Variants in FDXACB1 observed in about 807,000 individuals in gnomAD.
FDXACB1 encodes the protein ferredoxin-fold anticodon-binding domain-containing protein 1.
FDXACB1 carries 41 observed loss-of-function variants against 51.7 expected under a neutral mutation model. That is an observed-to-expected ratio of 0.79 (90% CI 0.62 to 1.03). FDXACB1 has a LOEUF of 1.03. Ranked by LOEUF, FDXACB1 falls within the 50% of genes least tolerant of loss-of-function variation. The pLI is 0.00. For missense variants in FDXACB1, 697 were observed against 746.4 expected, an observed-to-expected ratio of 0.93 and a Z score of 0.77; for synonymous variants, 273 against 278.6, an observed-to-expected ratio of 0.98 and a Z score of 0.20.
At position 111,874,594 on chromosome 11, in the gene FDXACB1, CA is replaced by C. The variant is rs10670929; in HGVS notation, c.*327del. 4.6e-3 allele frequency: 874 copies of C among 191,168 alleles called. No individual in the cohort carries two copies. The highest frequency in any genetic ancestry group is 0.013 in the South Asian group (122 of 9,732). 11.8% of individuals were successfully genotyped at this position (191,168 alleles called of 1,614,324 possible). ...TGAAACCTCGTCTCTACTAAAAATA[CA>C]AAAAAAAAAATTAGCCAGGCGTGGT... On this transcript the variant is annotated 3_prime_UTR_variant, in exon 5 of 5. Transcript: ENST00000260257.
Position 111,876,512 on chromosome 11 carries a change from CTGGAAAGGAAAACCACTGGTTA to C in FDXACB1, c.639_660del (p.Trp216LysfsTer4), listed in dbSNP as rs781954493. The C allele has an allele frequency of 1.2e-6, 2 of 1,613,756 alleles. No individual in the cohort carries two copies. Among genetic ancestry groups the C allele is most frequent in the Non-Finnish European group, 8.5e-7 (1 of 1,179,820 alleles). On this transcript the variant is annotated frameshift_variant, in exon 4 of 5. Coordinates refer to ENST00000260257, the MANE Select transcript of FDXACB1 (RefSeq NM_138378.3). LOFTEE classifies it high-confidence loss of function. ...AACTTTCCTACAAGTGCTTCTGGTT[CTGGAAAGGAAAACCACTGGTTA>C]CCCAGTTTGATCCTGAAGATTCTGG...
chr11:111,878,426 G>A (rs1375502149), intron 2 of FDXACB1, 130 bp downstream of exon 2: 7 of 986,904 alleles, frequency 7.1e-6, no homozygotes, highest in Non-Finnish European at 8.6e-6. Flanking sequence ...TAAACTTGGG[G>A]TTCCTTTGGG....
In FDXACB1 at chr11:111,875,595, T is replaced by C. The variant is rs782504201; in HGVS notation, c.1202A>G (p.Gln401Arg). The C allele has an allele frequency of 6.2e-7, 1 of 1,612,538 alleles. No homozygotes were observed. Among genetic ancestry groups the C allele is most frequent in the Non-Finnish European group, 8.5e-7 (1 of 1,179,692 alleles). Residue 401 changes from glutamine to arginine, a missense_variant, in exon 5 of 5, where the codon CAA becomes CGA. Transcript: ENST00000260257. ...TTGAAGACAGCCATCCTTCAGATTT[T>C]GATTAACCCCAAGGATAAATAAAGT... ...HETLFILGVN[Q>R]NLKDGCLQSL...
chr11:111,878,865 A>C, intron 1 of FDXACB1, 96 bp downstream of exon 1: 1 of 1,527,386 alleles, frequency 6.5e-7, no homozygotes, highest in Non-Finnish European at 8.8e-7. Context: ...GATCAAGAAC[A>C]ATCTCCACGT....
rs1165242428 is a variant in FDXACB1, at chr11:111,874,122, TATAATA to T, written c.*794_*799del. The T allele has an allele frequency of 1.3e-5, 2 of 152,162 alleles. No individual in the cohort carries two copies. The highest frequency in any genetic ancestry group is 1.9e-4 in the East Asian group (1 of 5,200). 9.4% of individuals were successfully genotyped at this position (152,162 alleles called of 1,614,324 possible). A position where few individuals can be genotyped will look rare whatever the true frequency, so the allele number is the denominator to read the frequency against. ...ACCACAGAATTAAAATGGTGATGAT[TATAATA>T]ATAATACCAAAATTAATGTGGAATA... On this transcript the variant is annotated 3_prime_UTR_variant, in exon 5 of 5. Transcript: ENST00000260257.
chr11:111,878,830 G>A, intron 1 of FDXACB1, 118 bp from the exon 2 acceptor site: 2 of 1,505,382 alleles, frequency 1.3e-6, no homozygotes, highest in South Asian at 1.3e-5. Flanking sequence ...GCACAAAGCC[G>A]GCTTTATGTG....
chr11:111,874,806 A>G lies in FDXACB1; in HGVS notation c.*116T>C, dbSNP rs1251090225. 3.4e-6 allele frequency: 3 copies of G among 888,110 alleles called. No homozygotes were observed. Among genetic ancestry groups the G allele is most frequent in the Non-Finnish European group, 5.0e-6 (3 of 595,612 alleles). The allele number at this position is 888,110 out of a possible 1,614,324, so 55.0% of individuals were successfully genotyped here. A position where few individuals can be genotyped will look rare whatever the true frequency, so the allele number is the denominator to read the frequency against. On this transcript the variant is annotated 3_prime_UTR_variant, in exon 5 of 5. Transcript: ENST00000260257. Reference sequence around the variant, plus strand: ...ATCAACGAACAGTAGCTATGGTCACAAAGTAAAAGATTTTACAAAAACAAA... The same window carrying G: ...ATCAACGAACAGTAGCTATGGTCACGAAGTAAAAGATTTTACAAAAACAAA...
chr11:111,875,723 G>A lies in FDXACB1; in HGVS notation c.1074C>T (p.Val358=), dbSNP rs1964799141. The stretch of plus-strand genomic sequence containing the variant: ...CTGAGAGGAAGTCTGGTACTTCGAT[G>A]ACATCCTGAACATGCACTAGGAGAG... ...RPSLLVHVQD[V]IEVPDFLSGS... The change falls in exon 5 of 5, where the codon GTC becomes GTT. Residue 358 remains valine, a synonymous_variant. Coordinates refer to ENST00000260257, the MANE Select transcript of FDXACB1 (RefSeq NM_138378.3). The A allele has an allele frequency of 1.7e-5, 27 of 1,613,606 alleles. No individual in the cohort carries two copies. The highest frequency in any genetic ancestry group is 2.3e-5 in the Non-Finnish European group (27 of 1,179,890).
Position 111,875,548 on chromosome 11 carries a change from C to A in FDXACB1, c.1249G>T (p.Gly417Cys), listed in dbSNP as rs1441037655. Residue 417 changes from glycine (G) to cysteine (C), a missense_variant, in exon 5 of 5, where the codon GGC becomes TGC. By Grantham distance (159) the Gly-to-Cys change is radical. This residue lies in a region of FDXACB1 where 538 missense variants were observed against 592.2 expected (regional missense o/e 0.91). Coordinates refer to ENST00000260257, the MANE Select transcript of FDXACB1 (RefSeq NM_138378.3). ...TGGGTCAGCAGGCTATCTAGAATGCCCTTCAGATGATCCAGCAGTGATTGA... is the reference window on the plus strand; with the variant it reads ...TGGGTCAGCAGGCTATCTAGAATGCACTTCAGATGATCCAGCAGTGATTGA... ...CLQSLLDHLKGILDSLLTQTL... is the reference protein window; with the variant it reads ...CLQSLLDHLKCILDSLLTQTL... The A allele has an allele frequency of 6.2e-7, 1 of 1,610,418 alleles. No homozygotes were observed. The highest frequency in any genetic ancestry group is 8.5e-7 in the Non-Finnish European group (1 of 1,179,336).
At position 111,874,731 on chromosome 11, in the gene FDXACB1, C is replaced by G. The variant is rs1484890720; in HGVS notation, c.*191G>C. The G allele has an allele frequency of 3.4e-6, 2 of 587,216 alleles. No homozygotes were observed. Among genetic ancestry groups the G allele is most frequent in the Non-Finnish European group, 5.9e-6 (2 of 339,750 alleles). 36.4% of individuals were successfully genotyped at this position (587,216 alleles called of 1,614,324 possible). On this transcript the variant is annotated 3_prime_UTR_variant, in exon 5 of 5. Coordinates refer to ENST00000260257, the MANE Select transcript of FDXACB1 (RefSeq NM_138378.3). ...TATCATGCCACTGCCACTGCACTCCCGCCTGGGCGGCAGAGCAAGACTCCG... is the reference window on the plus strand; with the variant it reads ...TATCATGCCACTGCCACTGCACTCCGGCCTGGGCGGCAGAGCAAGACTCCG...
Position 111,876,122 on chromosome 11 carries a change from A to G in FDXACB1, c.693-18T>C. 6.4e-7 allele frequency: 1 copy of G among 1,553,176 alleles called. No individual in the cohort carries two copies. Among genetic ancestry groups the G allele is most frequent in the African/African-American group, 1.4e-5 (1 of 72,420 alleles). ...GGAAACCCCTGTTTAAACACACACA[A>G]AAATAACTTTTCTAACTTAAGATAG... is the stretch of plus-strand genomic sequence containing the variant. On this transcript the variant is annotated intron_variant, in intron 4 of 4. Coordinates refer to ENST00000260257, the MANE Select transcript of FDXACB1 (RefSeq NM_138378.3).
At position 111,875,384 on chromosome 11, in the gene FDXACB1, G is replaced by A; in HGVS notation, c.1413C>T (p.Ile471=). The A allele has an allele frequency of 6.2e-7, 1 of 1,613,644 alleles. No homozygotes were observed. The highest frequency in any genetic ancestry group is 8.5e-7 in the Non-Finnish European group (1 of 1,179,846). ...TATGTATAACACTAGTGGCAGATGT[G>A]ATAACAGACCCAATAATTAGATCCT... ...CTEDLIIGSV[I]TSATSVIHKD... Residue 471 remains isoleucine (I), a synonymous_variant, in exon 5 of 5, where the codon ATC becomes ATT. Transcript: ENST00000260257.
rs922684237 is a variant in FDXACB1, at chr11:111,876,825, G to C, written c.516C>G (p.Tyr172Ter). The C allele has an allele frequency of 8.1e-6, 13 of 1,613,916 alleles. No homozygotes were observed. The highest frequency in any genetic ancestry group is 1.0e-5 in the Non-Finnish European group (12 of 1,179,878). Residue 172 changes from tyrosine (Y) to a stop codon, truncating the protein, a stop_gained, in exon 3 of 5, where the codon TAC becomes TAG. Transcript: ENST00000260257. LOFTEE classifies it high-confidence loss of function. ...YPFSCKAVAG[Y>*]KCTGYRSQDK... is the part of the protein sequence containing the mutation. ...TTACCTACCTATATCCAGTGCACTT[G>C]TACCCTGCCACAGCCTTACAGCTGA... is the stretch of plus-strand genomic sequence containing the variant.
chr11:111,878,400 T>C (rs1378181805), intron 2 of FDXACB1, among the ~76,000 whole-genome samples, 156 bp downstream of exon 2: 1 of 152,220 alleles, frequency 6.6e-6, no homozygotes, highest in Non-Finnish European at 1.5e-5. Flanking sequence ...AGGGTTTATA[T>C]ATCTGTCTTT....
chr11:111,877,012 C>A lies in FDXACB1; in HGVS notation c.330-1G>T. 6.4e-7 allele frequency: 1 copy of A among 1,571,908 alleles called. No homozygotes were observed. Among genetic ancestry groups the A allele is most frequent in the Non-Finnish European group, 8.6e-7 (1 of 1,157,550 alleles). On this transcript the variant is annotated splice_acceptor_variant, in intron 2 of 4. Coordinates refer to ENST00000260257, the MANE Select transcript of FDXACB1 (RefSeq NM_138378.3). LOFTEE classifies it high-confidence loss of function. ...TTCCTCTGCAAGAACGTCTGCACAG[C>A]TAATAGGGAGAAAAGAAACACTAAC...
intron 4 of FDXACB1, among the ~76,000 whole-genome samples, 175 bp downstream of exon 4, chr11:111,876,306 C>T (rs782650814): frequency 6.6e-6 from 1 of 152,206 alleles, no homozygotes; most frequent in African/African-American, 2.4e-5. Flanking sequence ...TACAATATAT[C>T]AGAAAATGTG....
chr11:111,878,935 GT>G, intron 1 of FDXACB1, 25 bp downstream of exon 1: 1 of 1,584,756 alleles, frequency 6.3e-7, no homozygotes, highest in Non-Finnish European at 8.6e-7. Context: ...GCTGGGCGGG[GT>G]TTCGCAGAGG....
Position 111,876,035 on chromosome 11 carries a change from G to T in FDXACB1, c.762C>A (p.Gly254=). The change falls in exon 5 of 5, where the codon GGC becomes GGA. Residue 254 remains glycine, a synonymous_variant. Coordinates refer to ENST00000260257, the MANE Select transcript of FDXACB1 (RefSeq NM_138378.3). ...TCAGCCTTTTTAGCGGGAAAACTTT[G>T]CCTAATTCAGCAATGAGTTTCTCAT... The part of the protein sequence containing the change: ...TINEKLIAEL[G]KVFPLKRLKC... 6.2e-7 allele frequency: 1 copy of T among 1,613,902 alleles called. No individual in the cohort carries two copies. The highest frequency in any genetic ancestry group is 8.5e-7 in the Non-Finnish European group (1 of 1,179,862).
chr11:111,875,332 T>C lies in FDXACB1; in HGVS notation c.1465A>G (p.Met489Val), dbSNP rs77080347. Residue 489 changes from methionine (M) to valine (V), a missense_variant, in exon 5 of 5, where the codon ATG becomes GTG. Met to Val is a conservative substitution (Grantham distance 21). Around this residue, in one of 3 missense-constraint regions of FDXACB1, gnomAD observed 538 missense variants for 592.2 expected, o/e 0.91. Transcript: ENST00000260257. Reference sequence around the variant, plus strand: ...AGCATGGCTAATAAGTCCAAGTTCATAGACACAAACACAAAACACTGGTCT... The same window carrying C: ...AGCATGGCTAATAAGTCCAAGTTCACAGACACAAACACAAAACACTGGTCT... Reference protein sequence around the residue: ...HKDQCFVFVSMNLDLLAMLVW... With the variant: ...HKDQCFVFVSVNLDLLAMLVW... The C allele has an allele frequency of 6.3e-4, 1,019 of 1,613,860 alleles. 14 individuals carry two copies. The East Asian group carries it at 0.02, about 32-fold the overall frequency.
Sources: allele counts gnomAD v4.1 joint callset (sites outside exome capture counted in the v4.1 genomes callset), GRCh38; gene constraint gnomAD v4.1.1; regional missense constraint gnomAD v4.1.1; transcripts MANE v1.5; gene names NCBI Gene and HGNC (gene_info 2026-07-23, HGNC 2026-07-21).